Variants in ADGRB3 observed in about 807,000 individuals in gnomAD.
ADGRB3 encodes the protein brain-specific angiogenesis inhibitor 3.
Under a neutral mutation model 193.4 loss-of-function variants are expected in ADGRB3, and 37 were observed. The ratio of observed to expected loss-of-function variants is 0.19; its 90% CI spans 0.15 to 0.25. ADGRB3 has a LOEUF of 0.25. Among genes scored for constraint, ADGRB3 ranks in the 10% least tolerant of loss-of-function variants. The pLI, the probability that ADGRB3 is intolerant of heterozygous loss-of-function variation, is 1.00. For synonymous variants in ADGRB3, 690 were observed against 644.2 expected, an observed-to-expected ratio of 1.07 and a Z score of -1.08; for missense variants, 1,637 against 1,852.9, an observed-to-expected ratio of 0.88 and a Z score of 2.14.
At chr6:68,993,506 A>G (rs1344766047) in intron 10 of ADGRB3, among the ~76,000 whole-genome samples, 1 of 152,136 alleles carries the variant, frequency 6.6e-6, no homozygotes, top group African/African-American at 2.4e-5. Context: ...CATTTTCCCA[A>G]ATGTGTTGAA....
chr6:69,004,779 G>A (rs1196406876), intron 11 of ADGRB3, among the ~76,000 whole-genome samples: 1 of 152,116 alleles, frequency 6.6e-6, no homozygotes, highest in Admixed American at 6.5e-5. Flanking sequence ...CTGGGTACTA[G>A]GACTTTAACA....
At chr6:68,931,157 A>T (rs1305107886) in intron 4 of ADGRB3, among the ~76,000 whole-genome samples, 1 of 151,192 alleles carries the variant, frequency 6.6e-6, no homozygotes, top group East Asian at 1.9e-4. Context: ...TTATTTGAAA[A>T]GAGTTTTGTT....
intron 20 of ADGRB3, among the ~76,000 whole-genome samples, chr6:69,246,065 A>T (rs1478761939): frequency 1.3e-5 from 2 of 152,108 alleles, no homozygotes; most frequent in Non-Finnish European, 2.9e-5. Context: ...GCTCTAAGTG[A>T]TTGATGGCAT....
Position 69,006,912 on chromosome 6 carries a change from A to G in ADGRB3, c.1930-7126A>G, listed in dbSNP as rs959619599. Among the ~76,000 whole-genome samples, 4 of 152,158 alleles carry G rather than the reference A, an allele frequency of 2.6e-5. No individual in the cohort carries two copies. The South Asian group carries it at 8.3e-4, about 32-fold the overall frequency. On this transcript the variant is annotated intron_variant, in intron 11 of 31. Coordinates refer to ENST00000370598, the MANE Select transcript of ADGRB3 (RefSeq NM_001704.3). ...CCATGACTTCATCCCACTCAGCTCT[A>G]GTCATGATAATCTTAAATTTTTTTT... is the stretch of plus-strand genomic sequence containing the variant.
At chr6:68,803,433 G>T (rs1767347957) in intron 3 of ADGRB3, among the ~76,000 whole-genome samples, 1 of 151,958 alleles carries the variant, frequency 6.6e-6, no homozygotes, top group South Asian at 2.1e-4. Context: ...CCTGTTAACT[G>T]TATAATCTAC....
Position 68,993,972 on chromosome 6 carries a change from A to G in ADGRB3, c.1929+10A>G, listed in dbSNP as rs1769313115. On this transcript the variant is annotated intron_variant, in intron 11 of 31. Transcript: ENST00000370598. ...ATCTGATGGTGTCCAGGTAAGGGAG[A>G]CAAGTTCGTGAAGGAAAGGGCTAGT... 1 of 1,610,278 alleles carries G rather than the reference A, an allele frequency of 6.2e-7. No individual in the cohort carries two copies. The highest frequency in any genetic ancestry group is 8.5e-7 in the Non-Finnish European group (1 of 1,177,264).
Position 68,943,878 on chromosome 6 carries a change from C to T in ADGRB3, c.1079C>T (p.Thr360Ile), listed in dbSNP as rs758411451. ...EWSPWSLCSF[T>I]CGRGQRTRTR... ...TCACCATGGAGTTTATGTTCATTTA[C>T]ATGTGGTCGAGGCCAAAGAACAAGA... The change falls in exon 6 of 32, where the codon ACA (threonine) becomes ATA (isoleucine). Residue 360 changes from threonine (T) to isoleucine (I), a missense_variant. Physicochemically the swap from Thr to Ile is moderately conservative, Grantham distance 89. Transcript: ENST00000370598. 17 of 1,613,754 alleles carry T rather than the reference C, an allele frequency of 1.1e-5. No homozygotes were observed. Among genetic ancestry groups the T allele is most frequent in the Non-Finnish European group, 1.3e-5 (15 of 1,179,738 alleles).
chr6:69,205,890 A>T (rs1486965768), intron 17 of ADGRB3, among the ~76,000 whole-genome samples: 2 of 150,644 alleles, frequency 1.3e-5, no homozygotes, highest in Non-Finnish European at 3.0e-5. Flanking sequence ...ATCTCAAAGG[A>T]TCCTCCTGCC....
At chr6:68,884,465 C>T (rs974830901) in intron 3 of ADGRB3, among the ~76,000 whole-genome samples, 1 of 151,902 alleles carries the variant, frequency 6.6e-6, no homozygotes, top group African/African-American at 2.4e-5. Flanking sequence ...GGCTGAAACC[C>T]GGGGAGTGAG....
intron 11 of ADGRB3, among the ~76,000 whole-genome samples, chr6:69,011,514 A>G (rs1452095555): frequency 6.6e-6 from 1 of 151,782 alleles, no homozygotes; most frequent in Non-Finnish European, 1.5e-5. Context: ...GGAGCTACAA[A>G]CCTAACTACT....
At chr6:69,383,826 G>T (rs943259457) in intron 31 of ADGRB3, among the ~76,000 whole-genome samples, 2 of 152,028 alleles carry the variant, frequency 1.3e-5, no homozygotes, top group Non-Finnish European at 2.9e-5. Flanking sequence ...TCTGACACCA[G>T]CTCTTCTCCT....
intron 11 of ADGRB3, among the ~76,000 whole-genome samples, chr6:69,005,758 G>A (rs1306202340): frequency 6.6e-6 from 1 of 152,158 alleles, no homozygotes; most frequent in African/African-American, 2.4e-5. Context: ...CATCTGGCCT[G>A]CTGCAGACCC....
intron 3 of ADGRB3, among the ~76,000 whole-genome samples, chr6:68,859,641 T>A (rs480816): frequency 0.48 from 72,279 of 151,964 alleles, 17,871 homozygotes; most frequent in East Asian, 0.6. Flanking sequence ...TTATAAAACC[T>A]TCAGATCTTG....
At chr6:68,863,276 A>T (rs1421772985) in intron 3 of ADGRB3, among the ~76,000 whole-genome samples, 1 of 152,074 alleles carries the variant, frequency 6.6e-6, no homozygotes, top group Non-Finnish European at 1.5e-5. Context: ...GACAAAAGAA[A>T]TGGTCAAATA....
At chr6:69,289,632 A>C (rs558735796) in intron 20 of ADGRB3, among the ~76,000 whole-genome samples, 1 of 152,254 alleles carries the variant, frequency 6.6e-6, no homozygotes, top group East Asian at 1.9e-4. Context: ...AGGTGTCATG[A>C]GTATGACAAA....
chr6:69,355,880 G>A lies in ADGRB3; in HGVS notation c.3595+20G>A. 6.4e-7 allele frequency: 1 copy of A among 1,573,702 alleles called. No homozygotes were observed. Among genetic ancestry groups the A allele is most frequent in the Non-Finnish European group, 8.7e-7 (1 of 1,145,220 alleles). ...GATCAGGTAAGAATATTTAGATTTT[G>A]AAATCTAATCAGTAGGGATGTTCAA... On this transcript the variant is annotated intron_variant, in intron 28 of 31. Transcript: ENST00000370598.
chr6:69,210,766 C>T (rs917697587), intron 17 of ADGRB3, among the ~76,000 whole-genome samples: 2 of 152,036 alleles, frequency 1.3e-5, no homozygotes, highest in Non-Finnish European at 2.9e-5. Context: ...TTGGAGGGGA[C>T]GTTCAAACCA....
chr6:69,085,572 T>G (rs2150315775), intron 17 of ADGRB3, among the ~76,000 whole-genome samples: 1 of 152,094 alleles, frequency 6.6e-6, no homozygotes, highest in East Asian at 1.9e-4. Flanking sequence ...CAGACTAATT[T>G]TTTTTTTCTA....
chr6:68,738,718 A>T (rs2127338949), intron 3 of ADGRB3, among the ~76,000 whole-genome samples: 1 of 152,304 alleles, frequency 6.6e-6, no homozygotes, highest in African/African-American at 2.4e-5. Context: ...AGGAAAAAAC[A>T]AATTTTGCAG....
Sources: allele counts gnomAD v4.1 joint callset (sites outside exome capture counted in the v4.1 genomes callset), GRCh38; gene constraint gnomAD v4.1.1; transcripts MANE v1.5; gene names NCBI Gene and HGNC (gene_info 2026-07-23, HGNC 2026-07-21).